Variants in SYCP2L observed in about 807,000 individuals in gnomAD.
The protein encoded by SYCP2L is synaptonemal complex protein 2-like.
A neutral mutation model predicts 125.8 loss-of-function variants in SYCP2L; 98 were observed. The observed-to-expected ratio is 0.78, with a 90% CI of 0.66 to 0.92. The LOEUF (loss-of-function observed/expected upper bound fraction) is 0.92, where lower values mean the gene tolerates loss of function less well. Ranked by LOEUF, SYCP2L falls within the 40% of genes least tolerant of loss-of-function variation. The probability of loss-of-function intolerance (pLI) is 0.00; values close to 1 mark genes in which losing one functional copy is unlikely to be tolerated. For synonymous variants in SYCP2L, 317 were observed against 325.4 expected (o/e 0.97, Z 0.28); for missense variants, 842 against 936.4 (o/e 0.90, Z 1.32).
At chr6:10,943,887 G>T (rs1781265247) in intron 23 of SYCP2L, among the ~76,000 whole-genome samples, 2 of 152,028 alleles carry the variant, frequency 1.3e-5, no homozygotes, top group African/African-American at 4.8e-5. Flanking sequence ...TGTAATTGAG[G>T]TATATTTCTT....
At chr6:10,888,534 C>T (rs1278570157) in intron 1 of SYCP2L, among the ~76,000 whole-genome samples, 1 of 152,094 alleles carries the variant, frequency 6.6e-6, no homozygotes, top group Non-Finnish European at 1.5e-5. Context: ...AAGGGGGATA[C>T]CTTTCTGTGT....
intron 20 of SYCP2L, 100 bp from the exon 21 acceptor site, chr6:10,934,957 TA>T: frequency 9.1e-7 from 1 of 1,101,380 alleles, no homozygotes. Context: ...GTAAATCTAA[TA>T]CTTAAGCTTC....
chr6:10,904,043 G>A (rs1266774026), intron 8 of SYCP2L, among the ~76,000 whole-genome samples: 4 of 152,160 alleles, frequency 2.6e-5, no homozygotes, highest in Non-Finnish European at 5.9e-5. Context: ...CTGTAAAATG[G>A]AGTCAAAGTA....
chr6:10,938,057 T>C (rs1436457815), intron 21 of SYCP2L, among the ~76,000 whole-genome samples: 1 of 152,142 alleles, frequency 6.6e-6, no homozygotes, highest in Admixed American at 6.5e-5. Flanking sequence ...TCCAAACCCA[T>C]TTTATGAGGC....
chr6:10,969,161 C>G (rs960338898), intron 29 of SYCP2L, among the ~76,000 whole-genome samples: 12 of 152,248 alleles, frequency 7.9e-5, no homozygotes, highest in Middle Eastern at 3.4e-3. Context: ...TGTAAGCAGA[C>G]CATCTCCAAG....
At chr6:10,946,609 A>G (rs1049371998) in intron 23 of SYCP2L, among the ~76,000 whole-genome samples, 1 of 152,166 alleles carries the variant, frequency 6.6e-6, no homozygotes, top group South Asian at 2.1e-4. Flanking sequence ...AGAATACCAT[A>G]TTGGCAGAAT....
At chr6:10,894,237 G>A in intron 4 of SYCP2L, 33 bp downstream of exon 4, 1 of 1,604,936 alleles carries the variant, frequency 6.2e-7, no homozygotes, top group East Asian at 2.2e-5. Flanking sequence ...ATATGGCTTT[G>A]GGTAACTTAG....
intron 23 of SYCP2L, among the ~76,000 whole-genome samples, chr6:10,950,932 T>C (rs948876873): frequency 6.6e-6 from 1 of 152,006 alleles, no homozygotes; most frequent in Non-Finnish European, 1.5e-5. Flanking sequence ...AGTGCTGGGA[T>C]TATAGGCATG....
At chr6:10,926,489 C>T in intron 16 of SYCP2L, 57 bp downstream of exon 16, 2 of 1,396,878 alleles carry the variant, frequency 1.4e-6, no homozygotes, top group Middle Eastern at 1.8e-4. Context: ...GCGATGAAAC[C>T]TTAGTTGGAA....
chr6:10,908,692 G>C (rs1199322961), intron 10 of SYCP2L, among the ~76,000 whole-genome samples: 1 of 152,080 alleles, frequency 6.6e-6, no homozygotes, highest in African/African-American at 2.4e-5. Context: ...ATGAAATATG[G>C]ACCTTTATAT....
chr6:10,963,861 C>A lies in SYCP2L; in HGVS notation c.*37+18C>A. 1 of 1,598,850 alleles carries A rather than the reference C, an allele frequency of 6.3e-7. No individual in the cohort carries two copies. Among genetic ancestry groups the A allele is most frequent in the Non-Finnish European group, 8.6e-7 (1 of 1,166,772 alleles). ...GCCCTCAGGTAGGTGCAAAGATTTG[C>A]ATTGTTCAGTGGATGTGAATCGGGG... On this transcript the variant is annotated intron_variant, in intron 29 of 29. Coordinates refer to ENST00000283141, the MANE Select transcript of SYCP2L (RefSeq NM_001040274.3).
Position 10,898,167 on chromosome 6 carries a change from G to A in SYCP2L, c.441+52G>A, listed in dbSNP as rs780208213. 11 of 1,248,830 alleles carry A rather than the reference G, an allele frequency of 8.8e-6. No individual in the cohort carries two copies. The Admixed American group carries it at 1.8e-4, about 20-fold the overall frequency. 77.4% of individuals were successfully genotyped at this position (1,248,830 alleles called of 1,614,324 possible). ...AGCAGATGCCATTGGTAATTGGCAGGAATCTTCAAGTTATTTATAAAACAT... is the reference window on the plus strand; with the variant it reads ...AGCAGATGCCATTGGTAATTGGCAGAAATCTTCAAGTTATTTATAAAACAT... On this transcript the variant is annotated intron_variant, in intron 5 of 29. Coordinates refer to ENST00000283141, the MANE Select transcript of SYCP2L (RefSeq NM_001040274.3).
intron 26 of SYCP2L, among the ~76,000 whole-genome samples, chr6:10,960,716 C>T (rs994128999): frequency 1.3e-5 from 2 of 152,028 alleles, no homozygotes; most frequent in African/African-American, 2.4e-5. Flanking sequence ...GTCTCATCTT[C>T]CCTGGAGTCA....
At position 10,974,265 on chromosome 6, in the gene SYCP2L, T is replaced by C. The variant is rs1781821769; in HGVS notation, c.*351T>C. ...GACTTTTTTTTGTTTGAGAAATGTC[T>C]TCAAGTTTTGTGTGAATAAAACACT... On this transcript the variant is annotated 3_prime_UTR_variant, in exon 30 of 30. Transcript: ENST00000283141. 1.3e-5 allele frequency: 2 copies of C among 152,312 alleles called. No homozygotes were observed. The highest frequency in any genetic ancestry group is 4.1e-4 in the South Asian group (2 of 4,832). 9.4% of individuals were successfully genotyped at this position (152,312 alleles called of 1,614,324 possible).
Position 10,928,323 on chromosome 6 carries a change from A to G in SYCP2L, c.1441-80A>G, listed in dbSNP as rs755512583. The G allele has an allele frequency of 3.4e-5, 23 of 666,878 alleles. No individual in the cohort carries two copies. The Middle Eastern group carries it at 1.6e-3, about 47-fold the overall frequency. The allele number at this position is 666,878 out of a possible 1,614,324, so 41.3% of individuals were successfully genotyped here. On this transcript the variant is annotated intron_variant, in intron 17 of 29. Coordinates refer to ENST00000283141, the MANE Select transcript of SYCP2L (RefSeq NM_001040274.3). Reference sequence around the variant, plus strand: ...GTTCAGAGATTGAGTAAAGACAGGCATAAGAAATTATAAAAGTATTAATTT... The same window carrying G: ...GTTCAGAGATTGAGTAAAGACAGGCGTAAGAAATTATAAAAGTATTAATTT...
chr6:10,923,552 A>G (rs916919947), intron 14 of SYCP2L, among the ~76,000 whole-genome samples: 13 of 151,038 alleles, frequency 8.6e-5, no homozygotes, highest in Middle Eastern at 3.5e-3. Context: ...CGCCCAGCTA[A>G]TTTTTGTATT....
In SYCP2L at chr6:10,967,697, C is replaced by CTCT. The variant is rs1441774034; in HGVS notation, c.*37+3856_*37+3858dup. On this transcript the variant is annotated intron_variant, in intron 29 of 29. Coordinates refer to ENST00000283141, the MANE Select transcript of SYCP2L (RefSeq NM_001040274.3). Reference sequence around the variant, plus strand: ...AAAATCCAACCAATAAACAATAAGACTCTTAGAAAACTAGGGATAGAATGT... The same window carrying CTCT: ...AAAATCCAACCAATAAACAATAAGACTCTTCTTAGAAAACTAGGGATAGAATGT... Among the ~76,000 whole-genome samples the CTCT allele has an allele frequency of 3.9e-5, 6 of 152,202 alleles. No individual in the cohort carries two copies. The South Asian group carries it at 1.0e-3, about 26-fold the overall frequency.
At chr6:10,931,860 G>A (rs112315870) in intron 20 of SYCP2L, among the ~76,000 whole-genome samples, 120 of 151,936 alleles carry the variant, frequency 7.9e-4, no homozygotes, top group Non-Finnish European at 1.5e-3. Flanking sequence ...AGCTACGCAG[G>A]AGGCTGAGGT....
intron 23 of SYCP2L, among the ~76,000 whole-genome samples, chr6:10,953,309 C>A (rs1781444064): frequency 1.3e-5 from 2 of 152,034 alleles, no homozygotes; most frequent in Admixed American, 1.3e-4. Context: ...TGCTATTTGT[C>A]TTAAAGTGTT....
Sources: gnomAD v4.1 joint callset for allele counts (sites outside exome capture counted in the v4.1 genomes callset) on GRCh38, gnomAD v4.1.1 for gene constraint, MANE v1.5 for transcripts, NCBI Gene and HGNC (gene_info 2026-07-23, HGNC 2026-07-21) for gene names.